PCDHGA2: variants seen among roughly 807,000 people sequenced by gnomAD.
PCDHGA2 encodes the protein protocadherin gamma subfamily A, 2.
A neutral mutation model predicts 59.2 loss-of-function variants in PCDHGA2; 40 were observed. The observed-to-expected ratio is 0.68, with a 90% CI of 0.52 to 0.88. The LOEUF is 0.88. Ranked by LOEUF, PCDHGA2 falls within the 40% of genes least tolerant of loss-of-function variation. The pLI is 0.00. For synonymous variants in PCDHGA2, 560 were observed against 526.0 expected, an observed-to-expected ratio of 1.06 and a Z score of -0.89; for missense variants, 1,226 against 1,204.0, an observed-to-expected ratio of 1.02 and a Z score of -0.27.
chr5:141,453,746 T>C (rs1345046460), intron 1 of PCDHGA2, among the ~76,000 whole-genome samples: 1 of 152,254 alleles, frequency 6.6e-6, no homozygotes, highest in Non-Finnish European at 1.5e-5. Flanking sequence ...TTAAATAACA[T>C]AAGTCTCCTA....
At chr5:141,355,046 A>T in intron 1 of PCDHGA2, 1 of 1,149,106 alleles carries the variant, frequency 8.7e-7, no homozygotes, top group Non-Finnish European at 1.2e-6. Context: ...CTGCAGCACA[A>T]AGCACTGGCT....
In PCDHGA2 at chr5:141,390,024, C is replaced by T. The variant is rs1449274096; in HGVS notation, c.2424+48629C>T. ...GATTCTGGCCATTGCCTTGCGCCTG[C>T]GACGCTCCTCCAGCCCCGCCTCCTG... On this transcript the variant is annotated intron_variant, in intron 1 of 3. Transcript: ENST00000394576. 6 of 1,613,926 alleles carry T rather than the reference C, an allele frequency of 3.7e-6. No homozygotes were observed. In the African/African-American group the frequency reaches 4.0e-5, roughly 11 times the overall value.
At chr5:141,361,046 A>C (rs779477758) in intron 1 of PCDHGA2, 3 of 1,613,710 alleles carry the variant, frequency 1.9e-6, no homozygotes, top group Non-Finnish European at 2.5e-6. Flanking sequence ...ATCACGACAA[A>C]GGATGATTTG....
At chr5:141,369,597 A>G (rs1199462765) in intron 1 of PCDHGA2, among the ~76,000 whole-genome samples, 1 of 152,230 alleles carries the variant, frequency 6.6e-6, no homozygotes, top group Non-Finnish European at 1.5e-5. Context: ...CTATACTTCT[A>G]TTTTATAAGG....
At chr5:141,434,331 T>C (rs1271938024) in intron 1 of PCDHGA2, among the ~76,000 whole-genome samples, 3 of 152,186 alleles carry the variant, frequency 2.0e-5, no homozygotes, top group Non-Finnish European at 4.4e-5. Context: ...GCTTGTCTCT[T>C]TGTGTCGGGA....
At chr5:141,358,935 T>A (rs550902400) in intron 1 of PCDHGA2, among the ~76,000 whole-genome samples, 2 of 152,358 alleles carry the variant, frequency 1.3e-5, no homozygotes, top group Admixed American at 1.3e-4. Flanking sequence ...TATACAACAC[T>A]TTTGTTCTTT....
At position 141,360,351 on chromosome 5, in the gene PCDHGA2, G is replaced by C. The variant is rs188525608; in HGVS notation, c.2424+18956G>C. The stretch of plus-strand genomic sequence containing the variant: ...GGAAGCTGCGGGTTAGCGCGGAGAA[G>C]GAATATTTCACAGTAAACCCAGAAA... On this transcript the variant is annotated intron_variant, in intron 1 of 3. Coordinates refer to ENST00000394576, the MANE Select transcript of PCDHGA2 (RefSeq NM_018915.4). The C allele has an allele frequency of 6.2e-7, 1 of 1,613,758 alleles. No homozygotes were observed.
At chr5:141,372,619 C>G (rs771812483) in intron 1 of PCDHGA2, 1 of 1,613,968 alleles carries the variant, frequency 6.2e-7, no homozygotes, top group Non-Finnish European at 8.5e-7. Context: ...GTTCTCCCCA[C>G]CTACAGCGAA....
At chr5:141,507,815 C>G (rs936926937) in intron 3 of PCDHGA2, among the ~76,000 whole-genome samples, 2 of 152,204 alleles carry the variant, frequency 1.3e-5, no homozygotes, top group African/African-American at 4.8e-5. Context: ...GGAACGGACC[C>G]TGGGGGTGGA....
At chr5:141,425,695 T>G (rs1329762653) in intron 1 of PCDHGA2, among the ~76,000 whole-genome samples, 1 of 152,232 alleles carries the variant, frequency 6.6e-6, no homozygotes, top group African/African-American at 2.4e-5. Context: ...TATCATTTCA[T>G]AGTGGTCAAA....
chr5:141,364,678 T>G (rs758125696), intron 1 of PCDHGA2: 4 of 1,613,814 alleles, frequency 2.5e-6, no homozygotes, highest in Non-Finnish European at 3.4e-6. Flanking sequence ...AAATGAAAAT[T>G]TATGGAGTAG....
intron 1 of PCDHGA2, chr5:141,345,126 G>C (rs1757523003): frequency 6.2e-7 from 1 of 1,613,884 alleles, no homozygotes; most frequent in African/African-American, 1.3e-5. Flanking sequence ...CGTTGGAAGA[G>C]AAATTGCTCT....
chr5:141,494,935 G>A, intron 2 of PCDHGA2, 70 bp downstream of exon 2: 1 of 1,612,482 alleles, frequency 6.2e-7, no homozygotes, highest in Non-Finnish European at 8.5e-7. Flanking sequence ...GGGAGGAGAT[G>A]GGGGAGGGCC....
Position 141,366,497 on chromosome 5 carries a change from C to T in PCDHGA2, c.2424+25102C>T, listed in dbSNP as rs776618534. On this transcript the variant is annotated intron_variant, in intron 1 of 3. Transcript: ENST00000394576. ...CAGACTGAGGCGCTGGCACAAGTCA[C>T]GCCTGCTTCAGGCTGAAGGCAGCAG... 5.0e-6 allele frequency: 8 copies of T among 1,614,136 alleles called. No individual in the cohort carries two copies. In the African/African-American group the frequency reaches 8.0e-5, roughly 16 times the overall value.
chr5:141,485,172 C>T lies in PCDHGA2; in HGVS notation c.2425-9635C>T, dbSNP rs377648315. 3.9e-5 allele frequency: 62 copies of T among 1,610,044 alleles called. No individual in the cohort carries two copies. The highest frequency in any genetic ancestry group is 5.1e-5 in the Non-Finnish European group (60 of 1,176,944). On this transcript the variant is annotated intron_variant, in intron 1 of 3. Coordinates refer to ENST00000394576, the MANE Select transcript of PCDHGA2 (RefSeq NM_018915.4). The surrounding 1 kb of genome is among the most constrained non-coding windows in gnomAD (Gnocchi z 5.7). ...CAAGTAGAGAATTAGCGGGCGGCAGCAATGCTCCGCAAGGTGAGAAGCTGG... is the reference window on the plus strand; with the variant it reads ...CAAGTAGAGAATTAGCGGGCGGCAGTAATGCTCCGCAAGGTGAGAAGCTGG...
intron 1 of PCDHGA2, chr5:141,364,713 A>G: frequency 6.2e-7 from 1 of 1,613,984 alleles, no homozygotes; most frequent in Non-Finnish European, 8.5e-7. Context: ...GATATTAATG[A>G]TAACTTCCCG....
intron 1 of PCDHGA2, chr5:141,361,249 A>G: frequency 6.2e-7 from 1 of 1,614,034 alleles, no homozygotes; most frequent in Non-Finnish European, 8.5e-7. Flanking sequence ...GATAAAAACG[A>G]GAGACAGAGA....
chr5:141,491,253 T>C lies in PCDHGA2; in HGVS notation c.2425-3554T>C, dbSNP rs71583648. The C allele has an allele frequency of 2.3e-3, 3,639 of 1,614,176 alleles. 33 individuals carry two copies. The African/African-American group carries it at 0.026, about 11-fold the overall frequency. Reference sequence around the variant, plus strand: ...TGCTGGTTCTGGAGGATGAGGACCCTGAGGAAATGCCCAAATCCAGTGACT... The same window carrying C: ...TGCTGGTTCTGGAGGATGAGGACCCCGAGGAAATGCCCAAATCCAGTGACT... On this transcript the variant is annotated intron_variant, in intron 1 of 3. Coordinates refer to ENST00000394576, the MANE Select transcript of PCDHGA2 (RefSeq NM_018915.4). This position sits in a 1 kb window ranked among gnomAD's most constrained non-coding sequence, Gnocchi z 6.9.
chr5:141,344,524 T>C (rs1392519914), intron 1 of PCDHGA2: 6 of 1,613,996 alleles, frequency 3.7e-6, no homozygotes, highest in Non-Finnish European at 5.1e-6. Flanking sequence ...GATGTAGGCA[T>C]TAACTCCCTG....
Sources: gnomAD v4.1 joint callset for allele counts (sites outside exome capture counted in the v4.1 genomes callset) on GRCh38, gnomAD v4.1.1 for gene constraint, Gnocchi (gnomAD v3.1) non-coding constraint, MANE v1.5 for transcripts, NCBI Gene and HGNC (gene_info 2026-07-23, HGNC 2026-07-21) for gene names.